ATP6V1E1: variants seen among roughly 807,000 people sequenced by gnomAD.
The protein encoded by ATP6V1E1 is V-type proton ATPase subunit E 1.
Under a neutral mutation model 35.2 loss-of-function variants are expected in ATP6V1E1, and 21 were observed. That is an observed-to-expected ratio of 0.60 (90% CI 0.42 to 0.86). The LOEUF (loss-of-function observed/expected upper bound fraction) is 0.86, where lower values mean the gene tolerates loss of function less well. ATP6V1E1 is among the 40% of genes least tolerant of loss of function. The probability of loss-of-function intolerance (pLI) is 0.00; values close to 1 mark genes in which losing one functional copy is unlikely to be tolerated. For synonymous variants in ATP6V1E1, 83 were observed against 87.8 expected, an observed-to-expected ratio of 0.95 and a Z score of 0.30; for missense variants, 183 against 272.6, an observed-to-expected ratio of 0.67 and a Z score of 2.32.
chr22:17,603,041 C>T (rs932887611), intron 4 of ATP6V1E1, among the ~76,000 whole-genome samples: 1 of 152,186 alleles, frequency 6.6e-6, no homozygotes, highest in Non-Finnish European at 1.5e-5. Context: ...ACTGCAACCT[C>T]CACCTCCCGG....
chr22:17,613,935 C>A (rs1005501672), intron 2 of ATP6V1E1, among the ~76,000 whole-genome samples: 1 of 151,966 alleles, frequency 6.6e-6, no homozygotes, highest in African/African-American at 2.4e-5. Flanking sequence ...CCACTGCACT[C>A]TAGCCTGGGC....
intron 6 of ATP6V1E1, among the ~76,000 whole-genome samples, chr22:17,599,055 G>C (rs894245757): frequency 2.0e-5 from 3 of 152,108 alleles, no homozygotes; most frequent in African/African-American, 7.2e-5. Context: ...AAATGAAACA[G>C]TCACAAAAAG....
chr22:17,625,288 C>T (rs1453846132), intron 1 of ATP6V1E1, among the ~76,000 whole-genome samples: 1 of 151,816 alleles, frequency 6.6e-6, no homozygotes, highest in Non-Finnish European at 1.5e-5. Context: ...TTTTTGAGAC[C>T]GAGTTTCACT....
At position 17,607,786 on chromosome 22, in the gene ATP6V1E1, T is replaced by C. The variant is rs189583408; in HGVS notation, c.276+5026A>G. Among the ~76,000 whole-genome samples the C allele has an allele frequency of 1.4e-4, 21 of 152,314 alleles. No homozygotes were observed. The East Asian group carries it at 4.1e-3, about 29-fold the overall frequency. On this transcript the variant is annotated intron_variant, in intron 4 of 8. Coordinates refer to ENST00000253413, the MANE Select transcript of ATP6V1E1 (RefSeq NM_001696.4). ...TTTAAATGCTGACTCCTGACTAGAA[T>C]ATAAAAGTCTCTGGAAATGGGAATG...
At chr22:17,627,425 G>A (rs2057918222) in intron 1 of ATP6V1E1, among the ~76,000 whole-genome samples, 1 of 151,808 alleles carries the variant, frequency 6.6e-6, no homozygotes, top group African/African-American at 2.4e-5. Flanking sequence ...CACCATGCCC[G>A]GCCCCAGCCT....
At chr22:17,601,467 C>T (rs759923873) in intron 4 of ATP6V1E1, among the ~76,000 whole-genome samples, 27 of 151,878 alleles carry the variant, frequency 1.8e-4, no homozygotes, top group Non-Finnish European at 2.9e-4. Context: ...AAGATGCGCG[C>T]GATGTAACTT....
At chr22:17,607,907 C>T (rs573930012) in intron 4 of ATP6V1E1, among the ~76,000 whole-genome samples, 20 of 152,276 alleles carry the variant, frequency 1.3e-4, no homozygotes, top group African/African-American at 4.8e-4. Context: ...CTTCAGCAGA[C>T]ACTCAAGGCC....
chr22:17,611,441 G>A (rs889438181), intron 4 of ATP6V1E1, among the ~76,000 whole-genome samples: 2 of 152,148 alleles, frequency 1.3e-5, no homozygotes, highest in Non-Finnish European at 2.9e-5. Flanking sequence ...ATTATTTGAA[G>A]TAATATAGGA....
rs576998005 is a variant in ATP6V1E1, at chr22:17,616,850, C to T, written c.99+2611G>A. ...GATCACGAGGTCAGGAGATCGAGAC[C>T]ATCCCGGCTAAAACGGTGAAACCCC... On this transcript the variant is annotated intron_variant, in intron 2 of 8. Transcript: ENST00000253413. Among the ~76,000 whole-genome samples, 66 of 67,974 alleles carry T rather than the reference C, an allele frequency of 9.7e-4. 13 individuals carry two copies. The highest frequency in any genetic ancestry group is 4.0e-3 in the African/African-American group (61 of 15,332). The allele number at this position is 67,974 out of a possible 152,430, so 44.6% of individuals were successfully genotyped here.
At chr22:17,607,543 T>C (rs1320722392) in intron 4 of ATP6V1E1, among the ~76,000 whole-genome samples, 1 of 152,086 alleles carries the variant, frequency 6.6e-6, no homozygotes, top group Non-Finnish European at 1.5e-5. Flanking sequence ...CACCAAGTCC[T>C]ACAGATTCCT....
Position 17,619,460 on chromosome 22 carries a change from C to T in ATP6V1E1, c.99+1G>A. ...TCTTAAAACTAGAAAATGAATCTCA[C>T]CTTTGCATCTATTTCTTCTGCTTTC... On this transcript the variant is annotated splice_donor_variant, in intron 2 of 8. Transcript: ENST00000253413. LOFTEE classifies it high-confidence loss of function. 6.2e-7 allele frequency: 1 copy of T among 1,603,214 alleles called. No homozygotes were observed. Among genetic ancestry groups the T allele is most frequent in the Non-Finnish European group, 8.5e-7 (1 of 1,174,200 alleles).
rs371758217 is a variant in ATP6V1E1 at position 17,621,138 on chromosome 22, C to T, written c.34-1612G>A. Among the ~76,000 whole-genome samples, 223 of 152,270 alleles carry T rather than the reference C, an allele frequency of 1.5e-3. 1 individual carries two copies. The highest frequency in any genetic ancestry group is 9.1e-3 in the South Asian group (44 of 4,828). On this transcript the variant is annotated intron_variant, in intron 1 of 8. Coordinates refer to ENST00000253413, the MANE Select transcript of ATP6V1E1 (RefSeq NM_001696.4). ...ACTACCATAGTCCTTGCCATCATCT[C>T]CTCTCAGCTAAACTACTACAACAGC...
chr22:17,599,987 GGGGA>G (rs777764897), intron 6 of ATP6V1E1, 36 bp downstream of exon 6: 54 of 1,231,876 alleles, frequency 4.4e-5, no homozygotes, highest in Middle Eastern at 2.1e-4. Flanking sequence ...GAAAGGGAGG[GGGGA>G]GGGAGGGAGG....
chr22:17,596,467 G>A (rs571774670), intron 7 of ATP6V1E1, among the ~76,000 whole-genome samples: 21 of 151,566 alleles, frequency 1.4e-4, no homozygotes, highest in Admixed American at 3.9e-4. Context: ...TGGTCTCTAT[G>A]CACACACCCA....
chr22:17,624,289 C>T (rs1291881139), intron 1 of ATP6V1E1, among the ~76,000 whole-genome samples: 1 of 152,218 alleles, frequency 6.6e-6, no homozygotes, highest in African/African-American at 2.4e-5. Flanking sequence ...GGTGCAGTGG[C>T]TGACACCTGT....
intron 1 of ATP6V1E1, among the ~76,000 whole-genome samples, chr22:17,620,226 C>A (rs2057868879): frequency 6.6e-6 from 1 of 151,070 alleles, no homozygotes; most frequent in South Asian, 2.1e-4. Context: ...CGGCTCACTG[C>A]AAGCTCTGCC....
chr22:17,628,154 C>T (rs913910895), intron 1 of ATP6V1E1, among the ~76,000 whole-genome samples: 5 of 151,790 alleles, frequency 3.3e-5, no homozygotes, highest in Admixed American at 6.6e-5. Context: ...TAGTAGAGAC[C>T]GGGGTTTCAC....
At chr22:17,613,538 G>T (rs2057825835) in intron 2 of ATP6V1E1, among the ~76,000 whole-genome samples, 1 of 151,500 alleles carries the variant, frequency 6.6e-6, no homozygotes, top group African/African-American at 2.4e-5. Flanking sequence ...TTTCGTCAAG[G>T]GTAACAGTAA....
At chr22:17,622,760 G>C (rs1299077053) in intron 1 of ATP6V1E1, among the ~76,000 whole-genome samples, 1 of 151,870 alleles carries the variant, frequency 6.6e-6, no homozygotes, top group Non-Finnish European at 1.5e-5. Flanking sequence ...GAGGTTGGGA[G>C]TTTGAGACCA....
Sources: allele counts gnomAD v4.1 joint callset (sites outside exome capture counted in the v4.1 genomes callset), GRCh38; gene constraint gnomAD v4.1.1; transcripts MANE v1.5; gene names NCBI Gene and HGNC (gene_info 2026-07-23, HGNC 2026-07-21).